SI: variants seen among roughly 807,000 people sequenced by gnomAD.
SI encodes sucrase-isomaltase, intestinal.
A neutral mutation model predicts 253.3 loss-of-function variants in SI; 235 were observed. That is an observed-to-expected ratio of 0.93 (90% CI 0.83 to 1.03). The LOEUF (loss-of-function observed/expected upper bound fraction) is 1.03, where lower values mean the gene tolerates loss of function less well. SI is among the 50% of genes least tolerant of loss of function. The pLI is 0.00. For missense variants in SI, 2,442 were observed against 2,211.1 expected, an observed-to-expected ratio of 1.10 and a Z score of -2.09; for synonymous variants, 819 against 712.0, an observed-to-expected ratio of 1.15 and a Z score of -2.39.
rs1419178847 is a variant in SI, at chr3:165,009,350, T to C, written c.4108A>G (p.Thr1370Ala). ...ATTTCTCTGGCCCACCACTCTGCTG[T>C]GGAAGTCCTGAAGAAATCTGGGAAA... Reference protein sequence around the residue: ...VAFPDFFRTSTAEWWAREIVD... With the variant: ...VAFPDFFRTSAAEWWAREIVD... Residue 1370 changes from threonine to alanine, a missense_variant, in exon 35 of 48, where the codon ACA becomes GCA. Coordinates refer to ENST00000264382, the MANE Select transcript of SI (RefSeq NM_001041.4). 6.2e-7 allele frequency: 1 copy of C among 1,613,694 alleles called. No individual in the cohort carries two copies. Among genetic ancestry groups the C allele is most frequent in the Non-Finnish European group, 8.5e-7 (1 of 1,179,728 alleles).
rs560212272 is a variant in SI at position 164,981,644 on chromosome 3, C to T, written c.5415+599G>A. The stretch of plus-strand genomic sequence containing the variant: ...AACATGTGTTTGAAATTCACCTTTG[C>T]AAGCCATAGATTCACAGAATTTAGA... On this transcript the variant is annotated intron_variant, in intron 47 of 47. Transcript: ENST00000264382. Among the ~76,000 whole-genome samples the T allele has an allele frequency of 4.5e-4, 68 of 152,196 alleles. 1 individual carries two copies. The highest frequency in any genetic ancestry group is 1.6e-3 in the African/African-American group (67 of 41,550).
chr3:165,009,377 C>CT lies in SI; in HGVS notation c.4080dup (p.Ala1361SerfsTer24). ...GAAGTCCTGAAGAAATCTGGGAAAG[C>CT]TACATGAGCTCTGGAAGCCTGTAAA... is the stretch of plus-strand genomic sequence containing the variant. On this transcript the variant is annotated frameshift_variant, in exon 35 of 48. Transcript: ENST00000264382. LOFTEE classifies it high-confidence loss of function. 6.2e-7 allele frequency: 1 copy of CT among 1,613,152 alleles called. No individual in the cohort carries two copies. The highest frequency in any genetic ancestry group is 8.5e-7 in the Non-Finnish European group (1 of 1,179,252).
chr3:165,000,004 A>G (rs1718186871), intron 37 of SI, among the ~76,000 whole-genome samples: 1 of 151,436 alleles, frequency 6.6e-6, no homozygotes, highest in African/African-American at 2.4e-5. Flanking sequence ...TATACATTAC[A>G]TATATTTTTT....
chr3:165,049,089 T>C, intron 15 of SI, 38 bp downstream of exon 15: 1 of 1,104,838 alleles, frequency 9.1e-7, no homozygotes, highest in Non-Finnish European at 1.4e-6. Context: ...TTTTAAGCAA[T>C]AAATATGAAA....
intron 38 of SI, among the ~76,000 whole-genome samples, chr3:164,997,161 T>A (rs73877373): frequency 0.23 from 35,495 of 151,428 alleles, 6,878 homozygotes; most frequent in African/African-American, 0.54. Context: ...CTGGTTTCAG[T>A]CTATCATTTG....
Position 165,014,394 on chromosome 3 carries a change from A to G in SI, c.3999+729T>C, listed in dbSNP as rs543478670. ...CTCCTGAGTAGCTGGGACTACAGGCACCCGCCACCATGCCCTTCTAATTTT... is the reference window on the plus strand; with the variant it reads ...CTCCTGAGTAGCTGGGACTACAGGCGCCCGCCACCATGCCCTTCTAATTTT... On this transcript the variant is annotated intron_variant, in intron 33 of 47. Transcript: ENST00000264382. 9.2e-5 allele frequency among the ~76,000 whole-genome samples: 14 copies of G among 151,984 alleles called. No homozygotes were observed. The South Asian group carries it at 1.7e-3, about 18-fold the overall frequency.
At chr3:165,052,484 C>A (rs963663815) in intron 13 of SI, among the ~76,000 whole-genome samples, 1 of 152,046 alleles carries the variant, frequency 6.6e-6, no homozygotes, top group East Asian at 1.9e-4. Context: ...GGCAAAACCC[C>A]GTCTCTACTA....
chr3:164,993,512 T>C (rs1038686474), intron 41 of SI, among the ~76,000 whole-genome samples: 5 of 151,700 alleles, frequency 3.3e-5, no homozygotes, highest in Non-Finnish European at 5.9e-5. Context: ...TAAATGGGCT[T>C]ATCAATAGTG....
rs74774858 is a variant in SI, at chr3:164,979,507, A to G, written c.5416-77T>C. The G allele has an allele frequency of 6.0e-6, 5 of 829,416 alleles. No homozygotes were observed. In the African/African-American group the frequency reaches 8.5e-5, roughly 14 times the overall value. 51.4% of individuals were successfully genotyped at this position (829,416 alleles called of 1,614,324 possible). ...ATTTTCATGAATGCTATTTCAAAAAAGTTTTCTAATAAATAGTATATACCT... is the reference window on the plus strand; with the variant it reads ...ATTTTCATGAATGCTATTTCAAAAAGGTTTTCTAATAAATAGTATATACCT... On this transcript the variant is annotated intron_variant, in intron 47 of 47. Transcript: ENST00000264382.
chr3:165,030,063 C>T (rs1417626847), intron 25 of SI, among the ~76,000 whole-genome samples: 1 of 149,376 alleles, frequency 6.7e-6, no homozygotes, highest in African/African-American at 2.5e-5. Flanking sequence ...TCTTGACTCG[C>T]CTCAGTGATA....
At chr3:165,031,886 TTTAATG>T in intron 24 of SI, among the ~76,000 whole-genome samples, 1 of 151,120 alleles carries the variant, frequency 6.6e-6, no homozygotes, top group Non-Finnish European at 1.5e-5. Context: ...GAGAGATTGA[TTTAATG>T]CGTTTAGAAG....
chr3:165,033,553 T>C (rs1288977645), intron 22 of SI, 109 bp from the exon 23 acceptor site: 1 of 1,048,032 alleles, frequency 9.5e-7, no homozygotes, highest in Non-Finnish European at 1.2e-6. Flanking sequence ...ATGCTGTTTA[T>C]TAATGAAGCA....
At chr3:165,013,165 A>G (rs976446301) in intron 33 of SI, 123 bp from the exon 34 acceptor site, 5 of 742,170 alleles carry the variant, frequency 6.7e-6, no homozygotes, top group Non-Finnish European at 1.2e-5. Flanking sequence ...CAGATCTGCA[A>G]TCCCTTCAAA....
chr3:165,041,528 C>T (rs963947875), intron 17 of SI, among the ~76,000 whole-genome samples: 6 of 151,972 alleles, frequency 3.9e-5, no homozygotes, highest in Non-Finnish European at 7.4e-5. Context: ...TTATATGTGA[C>T]ACACTAAAGC....
the SI span, among the ~76,000 whole-genome samples, chr3:165,088,497 G>A: frequency 6.6e-6 from 1 of 151,690 alleles, no homozygotes; most frequent in African/African-American, 2.4e-5. Context: ...ACAAAAATTA[G>A]CTAGGCAGTG....
chr3:165,072,605 G>A (rs905021896), intron 3 of SI, among the ~76,000 whole-genome samples: 2 of 151,842 alleles, frequency 1.3e-5, no homozygotes, highest in African/African-American at 4.8e-5. Context: ...ATGCTACCTT[G>A]AAAATTCATC....
chr3:164,997,976 GTGT>G (rs1205617041), intron 38 of SI, among the ~76,000 whole-genome samples: 1 of 151,688 alleles, frequency 6.6e-6, no homozygotes, highest in East Asian at 1.9e-4. Flanking sequence ...TTTGTGAATA[GTGT>G]TGTAATGAAC....
chr3:165,069,262 T>C (rs1714419182), intron 3 of SI, 67 bp from the exon 4 acceptor site: 2 of 1,052,328 alleles, frequency 1.9e-6, no homozygotes, highest in Non-Finnish European at 3.0e-6. Context: ...TCTCTGTTTT[T>C]CCAAGGAATG....
chr3:165,041,243 T>G, intron 17 of SI, 149 bp from the exon 18 acceptor site: 2 of 671,708 alleles, frequency 3.0e-6, no homozygotes, highest in South Asian at 3.7e-5. Context: ...ATCATCAAAG[T>G]GTCTGAATGA....
Sources: gnomAD v4.1 joint callset for allele counts (sites outside exome capture counted in the v4.1 genomes callset) on GRCh38, gnomAD v4.1.1 for gene constraint, MANE v1.5 for transcripts, NCBI Gene and HGNC (gene_info 2026-07-23, HGNC 2026-07-21) for gene names.